Variants in PAM observed in about 807,000 individuals in gnomAD.
PAM encodes peptidyl-glycine alpha-amidating monooxygenase.
PAM carries 72 observed loss-of-function variants against 122.1 expected under a neutral mutation model. That is an observed-to-expected ratio of 0.59 (90% CI 0.49 to 0.72). The LOEUF (loss-of-function observed/expected upper bound fraction) is 0.72, where lower values mean the gene tolerates loss of function less well. Among genes scored for constraint, PAM ranks in the 30% least tolerant of loss-of-function variants. The pLI, the probability that PAM is intolerant of heterozygous loss-of-function variation, is 0.00. For missense variants in PAM, 1,106 were observed against 1,183.7 expected (o/e 0.93, Z 0.96); for synonymous variants, 389 against 404.4 (o/e 0.96, Z 0.46).
intron 3 of PAM, among the ~76,000 whole-genome samples, chr5:102,875,852 A>G (rs1025853794): frequency 1.3e-5 from 2 of 152,238 alleles, no homozygotes; most frequent in African/African-American, 4.8e-5. Flanking sequence ...GAAGTTTCCC[A>G]GTCGCTGATA....
intron 1 of PAM, among the ~76,000 whole-genome samples, chr5:102,814,499 GTCTCTC>G: frequency 6.9e-6 from 1 of 144,352 alleles, no homozygotes; most frequent in South Asian, 2.2e-4. Context: ...AGCCAAAAGC[GTCTCTC>G]TCTCTCTCTC....
At chr5:102,924,802 G>T (rs1748842219) in intron 5 of PAM, among the ~76,000 whole-genome samples, 155 bp from the exon 6 acceptor site, 2 of 151,288 alleles carry the variant, frequency 1.3e-5, no homozygotes, top group South Asian at 4.2e-4. Context: ...CTTTGCTCCA[G>T]TCTTTATTCG....
intron 1 of PAM, among the ~76,000 whole-genome samples, chr5:102,776,400 A>G (rs190495697): frequency 1.6e-4 from 25 of 152,184 alleles, no homozygotes; most frequent in African/African-American, 5.5e-4. Context: ...TTTGTCATGA[A>G]ATCTTTTCCC....
chr5:103,014,065 T>C (rs990913135), intron 21 of PAM, among the ~76,000 whole-genome samples: 1 of 152,212 alleles, frequency 6.6e-6, no homozygotes, highest in Admixed American at 6.5e-5. Context: ...TTGTGCCCCT[T>C]TGAACTAACT....
At chr5:102,841,041 T>G (rs1778455383) in intron 1 of PAM, among the ~76,000 whole-genome samples, 2 of 58,766 alleles carry the variant, frequency 3.4e-5, no homozygotes, top group Admixed American at 1.8e-4. Flanking sequence ...GTGATTTTAC[T>G]TTGTCTCTTG....
chr5:102,811,376 C>T (rs1302396507), intron 1 of PAM, among the ~76,000 whole-genome samples: 1 of 152,186 alleles, frequency 6.6e-6, no homozygotes, highest in Non-Finnish European at 1.5e-5. Context: ...TTCCGTGGCT[C>T]CTGGCCACCT....
intron 1 of PAM, among the ~76,000 whole-genome samples, chr5:102,862,999 T>A (rs1442493196): frequency 1.9e-4 from 28 of 151,256 alleles, no homozygotes; most frequent in African/African-American, 4.7e-4. Context: ...CTTTTTTTTT[T>A]TTAAAAAAAA....
At chr5:102,960,541 C>T (rs1213746736) in intron 13 of PAM, among the ~76,000 whole-genome samples, 1 of 152,066 alleles carries the variant, frequency 6.6e-6, no homozygotes, top group Non-Finnish European at 1.5e-5. Context: ...CTAGTCTTGA[C>T]TTTTTTTATC....
chr5:102,826,936 C>T (rs971000042), intron 1 of PAM, among the ~76,000 whole-genome samples: 2 of 152,024 alleles, frequency 1.3e-5, no homozygotes, highest in Non-Finnish European at 2.9e-5. Context: ...CATATAGATG[C>T]TTTTATAAGA....
chr5:102,977,998 G>A (rs1173945767), intron 15 of PAM, among the ~76,000 whole-genome samples: 1 of 152,118 alleles, frequency 6.6e-6, no homozygotes, highest in Non-Finnish European at 1.5e-5. Flanking sequence ...CATGCAGAAA[G>A]CATTTGAAAA....
chr5:102,991,134 A>C (rs1301795549), intron 16 of PAM, among the ~76,000 whole-genome samples: 1 of 152,142 alleles, frequency 6.6e-6, no homozygotes, highest in Non-Finnish European at 1.5e-5. Flanking sequence ...AACCAAGAGA[A>C]GTTAAGTATT....
At chr5:102,800,775 G>A (rs1023278619) in intron 1 of PAM, among the ~76,000 whole-genome samples, 8 of 152,094 alleles carry the variant, frequency 5.3e-5, no homozygotes, top group African/African-American at 1.9e-4. Flanking sequence ...AGCTGGTCCT[G>A]ATCACTTTAT....
intron 1 of PAM, among the ~76,000 whole-genome samples, chr5:102,763,793 G>C (rs1470993855): frequency 6.6e-6 from 1 of 152,226 alleles, no homozygotes; most frequent in Admixed American, 6.5e-5. Context: ...CCCTTGGCTG[G>C]TGGCCGGCCA....
Position 102,784,159 on chromosome 5 carries a change from C to G in PAM, c.-374+28811C>G, listed in dbSNP as rs190875605. On this transcript the variant is annotated intron_variant, in intron 1 of 25. Coordinates refer to ENST00000438793, the MANE Select transcript of PAM (RefSeq NM_001177306.2). ...CCGCCCGCCTCAGACTCCCAAAGTGCTGGGATTACAGGCGTGAGCCACCGC... is the reference window on the plus strand; with the variant it reads ...CCGCCCGCCTCAGACTCCCAAAGTGGTGGGATTACAGGCGTGAGCCACCGC... Among the ~76,000 whole-genome samples, 23 of 152,282 alleles carry G rather than the reference C, an allele frequency of 1.5e-4. No individual in the cohort carries two copies. The East Asian group carries it at 4.4e-3, about 29-fold the overall frequency.
chr5:102,843,851 A>G (rs966863820), intron 1 of PAM, among the ~76,000 whole-genome samples: 2 of 152,228 alleles, frequency 1.3e-5, no homozygotes, highest in Non-Finnish European at 2.9e-5. Context: ...TTAAAATAGT[A>G]ACATCAAATA....
intron 3 of PAM, among the ~76,000 whole-genome samples, chr5:102,884,045 A>G: frequency 6.6e-6 from 1 of 151,818 alleles, no homozygotes; most frequent in Non-Finnish European, 1.5e-5. Context: ...AAAAATAAAT[A>G]ATAACAAAAA....
At chr5:102,782,138 A>T (rs1243331993) in intron 1 of PAM, among the ~76,000 whole-genome samples, 1 of 152,220 alleles carries the variant, frequency 6.6e-6, no homozygotes, top group Non-Finnish European at 1.5e-5. Flanking sequence ...TTCAAACCTG[A>T]ACACTTTAGA....
intron 3 of PAM, among the ~76,000 whole-genome samples, chr5:102,886,033 G>A (rs17154794): frequency 0.047 from 7,134 of 152,022 alleles, 519 homozygotes; most frequent in African/African-American, 0.16. Context: ...TCTTGAACAT[G>A]CATTCCCCAC....
chr5:103,021,194 T>C (rs1562271007), intron 23 of PAM, among the ~76,000 whole-genome samples: 1 of 152,212 alleles, frequency 6.6e-6, no homozygotes, highest in African/African-American at 2.4e-5. Context: ...TAGTACATTT[T>C]AGAGTCAAGC....
Sources: gnomAD v4.1 joint callset for allele counts (sites outside exome capture counted in the v4.1 genomes callset) on GRCh38, gnomAD v4.1.1 for gene constraint, MANE v1.5 for transcripts, NCBI Gene and HGNC (gene_info 2026-07-23, HGNC 2026-07-21) for gene names.